SMG6: variants seen among roughly 807,000 people sequenced by gnomAD.
The protein encoded by SMG6 is SMG6 nonsense mediated mRNA decay factor.
Under a neutral mutation model 142.2 loss-of-function variants are expected in SMG6, and 66 were observed. That is an observed-to-expected ratio of 0.46 (90% CI 0.38 to 0.57). The LOEUF (loss-of-function observed/expected upper bound fraction) is 0.57, where lower values mean the gene tolerates loss of function less well. Ranked by LOEUF, SMG6 falls within the 20% of genes least tolerant of loss-of-function variation. The pLI, the probability that SMG6 is intolerant of heterozygous loss-of-function variation, is 0.00. For synonymous variants in SMG6, 779 were observed against 702.4 expected (o/e 1.11, Z -1.72); for missense variants, 1,793 against 1,832.0 (o/e 0.98, Z 0.39).
At chr17:2,248,628 T>C (rs1339161280) in intron 8 of SMG6, among the ~76,000 whole-genome samples, 1 of 152,214 alleles carries the variant, frequency 6.6e-6, no homozygotes, top group African/African-American at 2.4e-5. Flanking sequence ...GATAACCTTT[T>C]CAAACTATAC....
intron 13 of SMG6, among the ~76,000 whole-genome samples, chr17:2,135,683 T>TAA (rs2151558779): frequency 6.6e-6 from 1 of 152,340 alleles, no homozygotes; most frequent in South Asian, 2.1e-4. Context: ...TAATTTTAAT[T>TAA]AACTAAGTTT....
rs181401181 is a variant in SMG6, at chr17:2,147,945, T to C, written c.3357+24713A>G. On this transcript the variant is annotated intron_variant, in intron 13 of 18. Coordinates refer to ENST00000263073, the MANE Select transcript of SMG6 (RefSeq NM_017575.5). ...CGGTGCCTCACGCCTTAAATCCCAG[T>C]GCTTTGGGCCGAGGTGGGTGGATCG... Among the ~76,000 whole-genome samples, 834 of 152,160 alleles carry C rather than the reference T, an allele frequency of 5.5e-3. 20 individuals are homozygous for C. The highest frequency in any genetic ancestry group is 0.043 in the Admixed American group (658 of 15,270).
Position 2,061,466 on chromosome 17 carries a change from G to T in SMG6, c.*26C>A, listed in dbSNP as rs766483955. On this transcript the variant is annotated 3_prime_UTR_variant, in exon 19 of 19. Coordinates refer to ENST00000263073, the MANE Select transcript of SMG6 (RefSeq NM_017575.5). ...GGTGGCCTTTCAGGAACGGTTCCAC[G>T]GGGGGGGGGCCCCAGTGTGGCTCCC... 7 of 1,236,438 alleles carry T rather than the reference G, an allele frequency of 5.7e-6. No individual in the cohort carries two copies. Among genetic ancestry groups the T allele is most frequent in the African/African-American group, 3.2e-5 (1 of 30,882 alleles). The allele number at this position is 1,236,438 out of a possible 1,614,324, so 76.6% of individuals were successfully genotyped here. A position where few individuals can be genotyped will look rare whatever the true frequency, so the allele number is the denominator to read the frequency against.
intron 10 of SMG6, among the ~76,000 whole-genome samples, chr17:2,188,992 ATCT>A (rs763785237): frequency 9.9e-5 from 15 of 152,170 alleles, no homozygotes; most frequent in African/African-American, 3.6e-4. Flanking sequence ...TCTAAAAATG[ATCT>A]TCTTGAATCA....
chr17:2,184,657 CAA>C (rs150364302), intron 12 of SMG6, among the ~76,000 whole-genome samples: 668 of 52,748 alleles, frequency 0.013, 5 homozygotes, highest in African/African-American at 0.039. Context: ...AACTCCGTCT[CAA>C]AAAAAAAAAA....
chr17:2,096,421 A>ATGGCCT (rs1444181075), intron 13 of SMG6, among the ~76,000 whole-genome samples: 1 of 152,140 alleles, frequency 6.6e-6, no homozygotes, highest in Non-Finnish European at 1.5e-5. Context: ...GTTGGCCAGG[A>ATGGCCT]TGGCCTCGAA....
At chr17:2,119,058 ATTTTT>A (rs540988591) in intron 13 of SMG6, among the ~76,000 whole-genome samples, 1 of 130,464 alleles carries the variant, frequency 7.7e-6, no homozygotes, top group Non-Finnish European at 1.7e-5. Context: ...CACCTGGCTA[ATTTTT>A]TTTTTTTTTT....
At chr17:2,245,828 G>A (rs2073916802) in intron 8 of SMG6, among the ~76,000 whole-genome samples, 1 of 152,186 alleles carries the variant, frequency 6.6e-6, no homozygotes, top group Non-Finnish European at 1.5e-5. Flanking sequence ...CTACAGGTAT[G>A]TGTCACCACA....
intron 9 of SMG6, 31 bp from the exon 10 acceptor site, chr17:2,236,668 A>G: frequency 6.3e-7 from 1 of 1,584,118 alleles, no homozygotes; most frequent in Non-Finnish European, 8.6e-7. Flanking sequence ...TCAATGAGGC[A>G]CCTCTCTCTT....
intron 8 of SMG6, chr17:2,245,018 C>T (rs930094519): frequency 2.9e-6 from 1 of 342,558 alleles, no homozygotes; most frequent in Non-Finnish European, 5.4e-6. Context: ...AAGAAAGGTG[C>T]CCACAGCTCT....
In SMG6 at chr17:2,063,734, G is replaced by A. The variant is rs556650674; in HGVS notation, c.4129+1339C>T. On this transcript the variant is annotated intron_variant, in intron 18 of 18. Coordinates refer to ENST00000263073, the MANE Select transcript of SMG6 (RefSeq NM_017575.5). The stretch of plus-strand genomic sequence containing the variant: ...GCCTGGGGAGGAGTTTGGAGGATTT[G>A]GGAGGGAGAGGCTTGTGGGGTTGGT... Among the ~76,000 whole-genome samples, 3 of 152,338 alleles carry A rather than the reference G, an allele frequency of 2.0e-5. No individual in the cohort carries two copies. The South Asian group carries it at 6.2e-4, about 32-fold the overall frequency.
At chr17:2,157,276 G>A (rs2071036937) in intron 13 of SMG6, among the ~76,000 whole-genome samples, 1 of 152,152 alleles carries the variant, frequency 6.6e-6, no homozygotes, top group African/African-American at 2.4e-5. Flanking sequence ...TGCTGGTAGG[G>A]AACAGACTGA....
chr17:2,256,775 T>A (rs1023940282), intron 8 of SMG6, among the ~76,000 whole-genome samples: 15 of 97,706 alleles, frequency 1.5e-4, no homozygotes, highest in South Asian at 1.5e-3. Context: ...ACTTAATTTT[T>A]AAAAAAAATA....
intron 10 of SMG6, among the ~76,000 whole-genome samples, chr17:2,190,691 G>A (rs1469989029): frequency 6.6e-6 from 1 of 152,132 alleles, no homozygotes; most frequent in Non-Finnish European, 1.5e-5. Context: ...GAGTCTCTTT[G>A]GTGTAGATCT....
chr17:2,145,045 A>G (rs2070620156), intron 13 of SMG6, among the ~76,000 whole-genome samples: 1 of 152,170 alleles, frequency 6.6e-6, no homozygotes, highest in Non-Finnish European at 1.5e-5. Flanking sequence ...TAAGATCTGC[A>G]GATTTCTCGT....
rs79789788 is a variant in SMG6 at position 2,115,590 on chromosome 17, G to A, written c.3358-29689C>T. ...ACATGGCATCATTGCAGTTCAGTGG[G>A]GAAAACTGATCTTTCAATAAAATGA... On this transcript the variant is annotated intron_variant, in intron 13 of 18. Transcript: ENST00000263073. Among the ~76,000 whole-genome samples the A allele has an allele frequency of 6.2e-4, 94 of 152,280 alleles. 1 individual carries two copies. The East Asian group carries it at 0.018, about 28-fold the overall frequency.
chr17:2,223,821 G>A (rs1361808272), intron 10 of SMG6, among the ~76,000 whole-genome samples: 2 of 152,068 alleles, frequency 1.3e-5, no homozygotes, highest in Middle Eastern at 3.2e-3. Context: ...AAATGGGCAG[G>A]AGCTGGAAAA....
chr17:2,149,087 C>T lies in SMG6; in HGVS notation c.3357+23571G>A, dbSNP rs116371747. On this transcript the variant is annotated intron_variant, in intron 13 of 18. Transcript: ENST00000263073. Reference sequence around the variant, plus strand: ...TAAAATGGCTGGGCAAAGTGGGTCACGCCTATAATCCCAGCACTTTGGGAG... The same window carrying T: ...TAAAATGGCTGGGCAAAGTGGGTCATGCCTATAATCCCAGCACTTTGGGAG... Among the ~76,000 whole-genome samples the T allele has an allele frequency of 9.9e-3, 1,501 of 152,124 alleles. 30 individuals carry two copies. The highest frequency in any genetic ancestry group is 0.033 in the African/African-American group (1,380 of 41,488).
chr17:2,175,382 C>T (rs989344950), intron 12 of SMG6, among the ~76,000 whole-genome samples: 1 of 151,902 alleles, frequency 6.6e-6, no homozygotes, highest in South Asian at 2.1e-4. Flanking sequence ...GAGAGGCGGC[C>T]GAAAATTACC....
Sources: allele counts gnomAD v4.1 joint callset (sites outside exome capture counted in the v4.1 genomes callset), GRCh38; gene constraint gnomAD v4.1.1; transcripts MANE v1.5; gene names NCBI Gene and HGNC (gene_info 2026-07-23, HGNC 2026-07-21).